The following LINGO2 variants were observed in gnomAD, a reference collection of about 807,000 sequenced individuals.
The protein encoded by LINGO2 is leucine-rich repeat and immunoglobulin-like domain-containing nogo receptor-interacting protein 2.
LINGO2 carries 14 observed loss-of-function variants against 30.6 expected under a neutral mutation model. The observed-to-expected ratio is 0.46, with a 90% CI of 0.30 to 0.72. The LOEUF is 0.72. LINGO2 is among the 30% of genes least tolerant of loss of function. LINGO2 has a pLI of 0.07. For missense variants in LINGO2, 729 were observed against 751.7 expected (o/e 0.97, Z 0.35); for synonymous variants, 317 against 288.5 (o/e 1.10, Z -1.00).
At chr9:28,973,016 A>C in the LINGO2 span, among the ~76,000 whole-genome samples, 2 of 152,188 alleles carry the variant, frequency 1.3e-5, no homozygotes, top group Non-Finnish European at 2.9e-5. Context: ...AATGAAAAAC[A>C]ATAAAGCATG....
At chr9:28,765,934 A>C in the LINGO2 span, among the ~76,000 whole-genome samples, 1 of 152,084 alleles carries the variant, frequency 6.6e-6, no homozygotes, top group African/African-American at 2.4e-5. Flanking sequence ...CATACACTGC[A>C]CACAAAAATA....
the LINGO2 span, among the ~76,000 whole-genome samples, chr9:28,918,155 G>A: frequency 6.6e-6 from 1 of 152,272 alleles, no homozygotes; most frequent in South Asian, 2.1e-4. Context: ...CCACAAGCCT[G>A]GGGAGGCCAC....
intron 4 of LINGO2, among the ~76,000 whole-genome samples, chr9:28,264,794 A>T (rs1217993482): frequency 6.6e-6 from 1 of 151,994 alleles, no homozygotes; most frequent in Non-Finnish European, 1.5e-5. Flanking sequence ...GCTAGTTATT[A>T]CTTAAACACT....
At chr9:28,974,338 G>A in the LINGO2 span, among the ~76,000 whole-genome samples, 4 of 152,134 alleles carry the variant, frequency 2.6e-5, no homozygotes, top group African/African-American at 9.7e-5. Context: ...GCTGGTAGGT[G>A]GAGGTTGCAG....
intron 1 of LINGO2, among the ~76,000 whole-genome samples, chr9:28,558,181 A>C (rs1204621267): frequency 1.3e-5 from 2 of 151,604 alleles, no homozygotes; most frequent in East Asian, 1.9e-4. Flanking sequence ...AAAAAAAAAA[A>C]CAATGGGTCT....
At chr9:28,933,504 G>A in the LINGO2 span, among the ~76,000 whole-genome samples, 2 of 112,184 alleles carry the variant, frequency 1.8e-5, no homozygotes, top group South Asian at 2.8e-4. Context: ...ATGGTAGTAG[G>A]AGAAGACAAT....
chr9:29,102,509 T>C, the LINGO2 span, among the ~76,000 whole-genome samples: 9 of 152,366 alleles, frequency 5.9e-5, no homozygotes, highest in Non-Finnish European at 8.8e-5. Context: ...GTCAAGAATT[T>C]GTATTCCTTC....
intron 4 of LINGO2, among the ~76,000 whole-genome samples, chr9:28,195,832 A>G (rs1819991770): frequency 6.6e-6 from 1 of 151,726 alleles, no homozygotes; most frequent in Non-Finnish European, 1.5e-5. Flanking sequence ...ATGGAAAAAA[A>G]GATGTACACA....
intron 1 of LINGO2, among the ~76,000 whole-genome samples, chr9:28,564,649 C>T (rs1823271579): frequency 6.6e-6 from 1 of 152,116 alleles, no homozygotes; most frequent in African/African-American, 2.4e-5. Flanking sequence ...TATCTTGAAT[C>T]TTAGGGCTCC....
intron 3 of LINGO2, among the ~76,000 whole-genome samples, chr9:28,297,240 A>T (rs1359246247): frequency 6.6e-6 from 1 of 152,206 alleles, no homozygotes; most frequent in Non-Finnish European, 1.5e-5. Flanking sequence ...TTGCTTTATA[A>T]AATGGCTATA....
intron 5 of LINGO2, among the ~76,000 whole-genome samples, chr9:27,984,701 G>C (rs1253463794): frequency 2.0e-5 from 3 of 151,730 alleles, no homozygotes; most frequent in Non-Finnish European, 2.9e-5. Flanking sequence ...TTGATCTTTA[G>C]AATTTTATAT....
chr9:28,445,397 C>T (rs541595267), intron 2 of LINGO2, among the ~76,000 whole-genome samples: 8 of 152,208 alleles, frequency 5.3e-5, no homozygotes, highest in Admixed American at 2.6e-4. Context: ...GCTCATCTTC[C>T]GCAGATCAAG....
chr9:28,462,857 C>T (rs576209775), intron 2 of LINGO2, among the ~76,000 whole-genome samples: 27 of 152,016 alleles, frequency 1.8e-4, no homozygotes, highest in African/African-American at 6.3e-4. Context: ...CTATTCTGAA[C>T]TAAAAATTGA....
At chr9:29,196,182 G>A in the LINGO2 span, among the ~76,000 whole-genome samples, 1 of 152,030 alleles carries the variant, frequency 6.6e-6, no homozygotes, top group South Asian at 2.1e-4. Flanking sequence ...ACTAGCTGCT[G>A]TCAAGAAAAT....
At chr9:29,036,930 T>C in the LINGO2 span, among the ~76,000 whole-genome samples, 1 of 151,962 alleles carries the variant, frequency 6.6e-6, no homozygotes, top group Non-Finnish European at 1.5e-5. Flanking sequence ...AAAAATTAGT[T>C]ATTAAGGTTT....
At chr9:28,174,915 TGTGTGTGA>T (rs1217915669) in intron 4 of LINGO2, among the ~76,000 whole-genome samples, 3 of 139,958 alleles carry the variant, frequency 2.1e-5, no homozygotes, top group South Asian at 2.3e-4. Context: ...TGTGTGTGTG[TGTGTGTGA>T]GAGAGAGAGA....
At chr9:28,054,788 T>C (rs72724957) in intron 4 of LINGO2, among the ~76,000 whole-genome samples, 1 of 139,804 alleles carries the variant, frequency 7.2e-6, no homozygotes, top group Non-Finnish European at 1.5e-5. Context: ...AGGCTATAAC[T>C]TAATTTTTAA....
chr9:29,195,529 T>A, the LINGO2 span, among the ~76,000 whole-genome samples: 2 of 152,112 alleles, frequency 1.3e-5, no homozygotes, highest in Non-Finnish European at 2.9e-5. Context: ...TTCATACTGT[T>A]TTCATAATGG....
intron 1 of LINGO2, among the ~76,000 whole-genome samples, chr9:28,500,237 C>A (rs1323511067): frequency 6.6e-6 from 1 of 152,128 alleles, no homozygotes; most frequent in East Asian, 1.9e-4. Context: ...AAGTTGGGGG[C>A]TTTCACACCA....
Sources: allele counts gnomAD v4.1 joint callset (sites outside exome capture counted in the v4.1 genomes callset), GRCh38; gene constraint gnomAD v4.1.1; transcripts MANE v1.5; gene names NCBI Gene and HGNC (gene_info 2026-07-23, HGNC 2026-07-21).